The following RIPOR2 variants were observed in gnomAD, a reference collection of about 807,000 sequenced individuals.
RIPOR2 encodes the protein rho family-interacting cell polarization regulator 2.
Under a neutral mutation model 114.5 loss-of-function variants are expected in RIPOR2, and 39 were observed. The observed-to-expected ratio is 0.34, with a 90% confidence interval of 0.26 to 0.44. RIPOR2 has a LOEUF of 0.44. Among genes scored for constraint, RIPOR2 ranks in the 20% least tolerant of loss-of-function variants. RIPOR2 has a pLI of 1.00. For synonymous variants in RIPOR2, 445 were observed against 484.4 expected (o/e 0.92, Z 1.07); for missense variants, 1,007 against 1,255.1 (o/e 0.80, Z 2.99).
At chr6:24,850,097 C>CTTTTTTTTTTTTTTT (rs5875008) in intron 10 of RIPOR2, 147 bp from the exon 11 acceptor site, 3 of 437,186 alleles carry the variant, frequency 6.9e-6, no homozygotes, top group Admixed American at 4.3e-5. Context: ...TTTTCTTTTT[C>CTTTTTTTTTTTTTTT]TTTTTTTTTT....
chr6:24,913,578 C>T (rs1282070342), intron 1 of RIPOR2, among the ~76,000 whole-genome samples: 1 of 152,128 alleles, frequency 6.6e-6, no homozygotes, highest in Admixed American at 6.5e-5. Flanking sequence ...ATTGCCTGGT[C>T]CAAATCCCAG....
intron 14 of RIPOR2, 115 bp downstream of exon 14, chr6:24,838,974 CAT>C (rs1490202145): frequency 1.9e-5 from 15 of 804,288 alleles, no homozygotes; most frequent in Admixed American, 2.9e-5. Context: ...ACTGGTCACT[CAT>C]GTGGAGAGTT....
intron 13 of RIPOR2, chr6:24,839,866 A>G (rs1761483953): frequency 8.5e-7 from 1 of 1,174,778 alleles, no homozygotes; most frequent in African/African-American, 1.6e-5. Context: ...GACTAACAAA[A>G]CAAATCCCAG....
chr6:24,888,705 A>G (rs1450400060), intron 1 of RIPOR2, among the ~76,000 whole-genome samples: 1 of 152,230 alleles, frequency 6.6e-6, no homozygotes, highest in Non-Finnish European at 1.5e-5. Context: ...TTCATCTCAG[A>G]GAAAGGATAA....
At chr6:24,997,031 T>C (rs1288230146) in intron 1 of RIPOR2, among the ~76,000 whole-genome samples, 1 of 152,206 alleles carries the variant, frequency 6.6e-6, no homozygotes, top group Non-Finnish European at 1.5e-5. Flanking sequence ...TCCTTCTCAA[T>C]CTCACAGTTT....
At chr6:24,940,440 T>A (rs1436875265), upstream of RIPOR2, among the ~76,000 whole-genome samples, 1 of 151,922 alleles carries the variant, frequency 6.6e-6, no homozygotes, top group Non-Finnish European at 1.5e-5. Context: ...AGGAGCAAAA[T>A]GTTCGAAACA....
chr6:24,871,730 G>C (rs976886736), intron 4 of RIPOR2, among the ~76,000 whole-genome samples: 3 of 152,200 alleles, frequency 2.0e-5, no homozygotes, highest in Non-Finnish European at 2.9e-5. Flanking sequence ...TGTGCTCATA[G>C]TATCATAGTA....
At chr6:24,849,974 T>C (rs369267902) in intron 10 of RIPOR2, 24 bp from the exon 11 acceptor site, 134 of 1,606,382 alleles carry the variant, frequency 8.3e-5, no homozygotes, top group Non-Finnish European at 1.5e-5. Flanking sequence ...TGGGAGAGAA[T>C]AGGCCTTACA....
chr6:24,867,852 T>G (rs6906206), intron 6 of RIPOR2, among the ~76,000 whole-genome samples: 90,745 of 152,020 alleles, frequency 0.6, 27,743 homozygotes, highest in East Asian at 0.72. Flanking sequence ...ATATAATTTG[T>G]TAGGCGTCTG....
At chr6:24,976,683 C>T in intron 1 of RIPOR2, 1 of 1,607,570 alleles carries the variant, frequency 6.2e-7, no homozygotes, top group Non-Finnish European at 8.5e-7. Context: ...AGGGTGGTGA[C>T]TTCACACGCC....
chr6:24,871,493 A>G (rs1562292865), intron 4 of RIPOR2, among the ~76,000 whole-genome samples: 2 of 152,146 alleles, frequency 1.3e-5, no homozygotes, highest in South Asian at 2.1e-4. Flanking sequence ...CTGGGATTAC[A>G]GGCACCCACC....
At chr6:24,959,942 A>G (rs1773228622) in intron 1 of RIPOR2, among the ~76,000 whole-genome samples, 1 of 152,146 alleles carries the variant, frequency 6.6e-6, no homozygotes, top group Admixed American at 6.6e-5. Context: ...TTTTATCTAC[A>G]TTAAAAATGT....
At chr6:24,863,770 T>C (rs996845991) in intron 7 of RIPOR2, among the ~76,000 whole-genome samples, 6 of 152,268 alleles carry the variant, frequency 3.9e-5, no homozygotes, top group Non-Finnish European at 7.3e-5. Context: ...ACATTATTTA[T>C]TGCAGATAAC....
intron 1 of RIPOR2, among the ~76,000 whole-genome samples, chr6:25,005,391 G>C (rs1002863955): frequency 2.0e-5 from 3 of 152,038 alleles, no homozygotes; most frequent in Non-Finnish European, 4.4e-5. Context: ...AAGTGTCATA[G>C]AGCGACCTGC....
chr6:25,026,436 C>T (rs369743676), intron 1 of RIPOR2, among the ~76,000 whole-genome samples: 6 of 152,164 alleles, frequency 3.9e-5, no homozygotes, highest in African/African-American at 1.2e-4. Flanking sequence ...CTGCGAAGGG[C>T]GGATTGAAAA....
At chr6:24,902,455 G>A (rs779284119) in intron 1 of RIPOR2, among the ~76,000 whole-genome samples, 12 of 152,044 alleles carry the variant, frequency 7.9e-5, no homozygotes, top group Non-Finnish European at 1.0e-4. Context: ...GACCTCAGGC[G>A]ATCCACTCGC....
chr6:24,893,857 A>G (rs1430572388), intron 1 of RIPOR2, among the ~76,000 whole-genome samples: 1 of 152,252 alleles, frequency 6.6e-6, no homozygotes, highest in African/African-American at 2.4e-5. Flanking sequence ...ACCATAAACA[A>G]GAGAACAGAG....
chr6:24,862,183 C>T (rs945024787), intron 7 of RIPOR2, among the ~76,000 whole-genome samples: 1 of 152,246 alleles, frequency 6.6e-6, no homozygotes, highest in Non-Finnish European at 1.5e-5. Context: ...AGTGCTGCGG[C>T]CATGGGCCAT....
chr6:25,022,532 A>ATTTTTTTTTTTTT (rs10564019), intron 1 of RIPOR2, among the ~76,000 whole-genome samples: 5 of 40,992 alleles, frequency 1.2e-4, no homozygotes, highest in African/African-American at 3.9e-4. Flanking sequence ...GGTACCTTCC[A>ATTTTTTTTTTTTT]TTTTTTTTTT....
Sources: allele counts gnomAD v4.1 joint callset (sites outside exome capture counted in the v4.1 genomes callset), GRCh38; gene constraint gnomAD v4.1.1; transcripts MANE v1.5; gene names NCBI Gene and HGNC (gene_info 2026-07-23, HGNC 2026-07-21).